SORCS1: variants seen among roughly 807,000 people sequenced by gnomAD.
SORCS1 encodes VPS10 domain-containing receptor SorCS1.
In SORCS1, 60 loss-of-function variants were observed where a neutral mutation model predicts 146.1. The ratio of observed to expected loss-of-function variants is 0.41; its 90% CI spans 0.33 to 0.51. SORCS1 has a LOEUF of 0.51. Among genes scored for constraint, SORCS1 ranks in the 20% least tolerant of loss-of-function variants. SORCS1 has a pLI of 0.21. For missense variants in SORCS1, 1,352 were observed against 1,487.6 expected, an observed-to-expected ratio of 0.91 and a Z score of 1.50; for synonymous variants, 637 against 584.0, an observed-to-expected ratio of 1.09 and a Z score of -1.31.
intron 23 of SORCS1, among the ~76,000 whole-genome samples, chr10:106,598,078 C>T (rs1442695248): frequency 6.6e-6 from 1 of 151,986 alleles, no homozygotes; most frequent in African/African-American, 2.4e-5. Context: ...AAGCACGGGG[C>T]AAATAACTTC....
intron 22 of SORCS1, among the ~76,000 whole-genome samples, chr10:106,610,923 C>G (rs551460008): frequency 6.6e-6 from 1 of 152,016 alleles, no homozygotes; most frequent in South Asian, 2.1e-4. Context: ...ACTTAAAATA[C>G]GAAAAAAATA....
rs932361924 is a variant in SORCS1, at chr10:106,989,141, G to A, written c.559-32561C>T. On this transcript the variant is annotated intron_variant, in intron 1 of 25. Transcript: ENST00000263054. ...AAAAATTAGCTGGTCGTGGTGGTGG[G>A]TACCTGTAATCTCAGCTACTCAGGA... Among the ~76,000 whole-genome samples the A allele has an allele frequency of 2.0e-5, 3 of 150,982 alleles. No individual in the cohort carries two copies. The East Asian group carries it at 5.8e-4, about 29-fold the overall frequency.
chr10:106,762,803 C>T (rs1211078232), intron 4 of SORCS1, among the ~76,000 whole-genome samples: 1 of 152,022 alleles, frequency 6.6e-6, no homozygotes, highest in Non-Finnish European at 1.5e-5. Context: ...GACAACTCCC[C>T]TCATAGAGAT....
chr10:106,927,188 C>T (rs1953091515), intron 2 of SORCS1, among the ~76,000 whole-genome samples: 1 of 152,078 alleles, frequency 6.6e-6, no homozygotes, highest in Non-Finnish European at 1.5e-5. Flanking sequence ...TGGACCCTCG[C>T]AGTGAGTGTT....
chr10:106,906,533 G>A (rs557681105), intron 2 of SORCS1, among the ~76,000 whole-genome samples: 1 of 152,300 alleles, frequency 6.6e-6, no homozygotes, highest in African/African-American at 2.4e-5. Flanking sequence ...TAAGGAAGAA[G>A]CAAAAGCAGA....
intron 21 of SORCS1, among the ~76,000 whole-genome samples, chr10:106,616,123 C>T (rs1180807392): frequency 6.6e-6 from 1 of 152,094 alleles, no homozygotes; most frequent in African/African-American, 2.4e-5. Flanking sequence ...GACTTTAAGC[C>T]AGTAATTCCC....
intron 18 of SORCS1, among the ~76,000 whole-genome samples, chr10:106,635,281 C>G (rs541568722): frequency 6.6e-6 from 1 of 152,134 alleles, no homozygotes; most frequent in Admixed American, 6.5e-5. Context: ...ACACCAGGCT[C>G]GTATATCAGA....
chr10:107,081,489 G>T (rs1963333222), intron 1 of SORCS1, among the ~76,000 whole-genome samples: 2 of 152,172 alleles, frequency 1.3e-5, no homozygotes, highest in African/African-American at 4.8e-5. Context: ...CCTCAAATCT[G>T]CCTCCTGTGG....
chr10:106,719,632 C>T (rs900772898), intron 6 of SORCS1, among the ~76,000 whole-genome samples: 1 of 152,036 alleles, frequency 6.6e-6, no homozygotes. Flanking sequence ...AGGATGGTCT[C>T]GATCTCTTGA....
At chr10:106,826,679 T>A (rs996625011) in intron 3 of SORCS1, among the ~76,000 whole-genome samples, 1 of 152,230 alleles carries the variant, frequency 6.6e-6, no homozygotes, top group African/African-American at 2.4e-5. Flanking sequence ...TGTACCATTG[T>A]TAAGACGTTC....
chr10:106,841,737 C>T (rs945564982), intron 2 of SORCS1, among the ~76,000 whole-genome samples: 12 of 152,162 alleles, frequency 7.9e-5, no homozygotes, highest in African/African-American at 2.9e-4. Flanking sequence ...TCTCAGCTTC[C>T]TGCATGCCTT....
intron 24 of SORCS1, among the ~76,000 whole-genome samples, chr10:106,581,351 ACACACACACT>A (rs1463083187): frequency 6.6e-6 from 1 of 151,598 alleles, no homozygotes; most frequent in Non-Finnish European, 1.5e-5. Context: ...ACACACACAC[ACACACACACT>A]TTCTATATAC....
intron 1 of SORCS1, among the ~76,000 whole-genome samples, chr10:107,048,195 C>T (rs1218488484): frequency 6.6e-6 from 1 of 152,156 alleles, no homozygotes; most frequent in Non-Finnish European, 1.5e-5. Flanking sequence ...CATTTTAACA[C>T]CATATTTTAG....
intron 1 of SORCS1, among the ~76,000 whole-genome samples, chr10:106,982,180 T>C (rs1430935923): frequency 6.6e-6 from 1 of 152,238 alleles, no homozygotes. Flanking sequence ...AACCACAAGA[T>C]AGGCCATTAC....
chr10:106,904,570 G>C (rs933487020), intron 2 of SORCS1, among the ~76,000 whole-genome samples: 2 of 152,192 alleles, frequency 1.3e-5, no homozygotes, highest in African/African-American at 4.8e-5. Flanking sequence ...ATCATTAACT[G>C]TCAGGGCATC....
rs527757745 is a variant in SORCS1 at position 106,634,291 on chromosome 10, C to T, written c.2476-4903G>A. Among the ~76,000 whole-genome samples, 12 of 152,244 alleles carry T rather than the reference C, an allele frequency of 7.9e-5. No individual in the cohort carries two copies. In the South Asian group the frequency reaches 2.3e-3, roughly 29 times the overall value. On this transcript the variant is annotated intron_variant, in intron 18 of 25. Coordinates refer to ENST00000263054, the MANE Select transcript of SORCS1 (RefSeq NM_052918.5). ...CTTCAGTGCCTTAATGCAACACCTG[C>T]GAATGATCCTTTTTAGTTCCATATA...
chr10:107,085,924 C>T (rs1240185795), intron 1 of SORCS1, among the ~76,000 whole-genome samples: 2 of 152,168 alleles, frequency 1.3e-5, no homozygotes, highest in Non-Finnish European at 2.9e-5. Flanking sequence ...CAAACCAAGG[C>T]CTTTTCCCCA....
At chr10:107,037,982 A>G (rs1342654115) in intron 1 of SORCS1, among the ~76,000 whole-genome samples, 1 of 152,032 alleles carries the variant, frequency 6.6e-6, no homozygotes, top group Non-Finnish European at 1.5e-5. Context: ...GTGCACCACC[A>G]GGTCCTGCTA....
At chr10:107,001,896 G>A (rs910660938) in intron 1 of SORCS1, among the ~76,000 whole-genome samples, 1 of 152,178 alleles carries the variant, frequency 6.6e-6, no homozygotes, top group Non-Finnish European at 1.5e-5. Context: ...GTTATTATTG[G>A]TTATATGTGA....
Sources: allele counts gnomAD v4.1 joint callset (sites outside exome capture counted in the v4.1 genomes callset), GRCh38; gene constraint gnomAD v4.1.1; transcripts MANE v1.5; gene names NCBI Gene and HGNC (gene_info 2026-07-23, HGNC 2026-07-21).